Variants in TAAR5 observed in about 807,000 individuals in gnomAD.
TAAR5 encodes trace amine associated receptor 5.
A neutral mutation model predicts 21.1 loss-of-function variants in TAAR5; 27 were observed. The observed-to-expected ratio is 1.28, with a 90% CI of 0.94 to 1.76. The LOEUF (loss-of-function observed/expected upper bound fraction) is 1.76. Among genes scored for constraint, TAAR5 ranks in the 40% most tolerant of loss-of-function variants. TAAR5 has a pLI of 0.00. For synonymous variants in TAAR5, 203 were observed against 167.5 expected, an observed-to-expected ratio of 1.21 and a Z score of -1.64; for missense variants, 495 against 405.6, an observed-to-expected ratio of 1.22 and a Z score of -1.89.
upstream of TAAR5, chr6:132,594,260 T>C (rs1776945822): frequency 6.6e-6 from 1 of 152,102 alleles, no homozygotes; most frequent in Non-Finnish European, 1.5e-5. Flanking sequence ...CATCTATAAC[T>C]CCTACCTAGA....
upstream of TAAR5, among the ~76,000 whole-genome samples, chr6:132,590,985 G>A (rs1210224642): frequency 6.6e-6 from 1 of 152,054 alleles, no homozygotes; most frequent in Non-Finnish European, 1.5e-5. Context: ...TTCATGAAGG[G>A]GTGGTTTGTG....
At chr6:132,600,228 G>T in the TAAR5 span, among the ~76,000 whole-genome samples, 1 of 152,096 alleles carries the variant, frequency 6.6e-6, no homozygotes, top group South Asian at 2.1e-4. Context: ...TAGTAGTATT[G>T]TTTAACTTCT....
chr6:132,599,622 C>G, the TAAR5 span, among the ~76,000 whole-genome samples: 4 of 152,260 alleles, frequency 2.6e-5, no homozygotes, highest in African/African-American at 9.6e-5. Context: ...AGCCACCGCT[C>G]CCAGCCCAAA....
chr6:132,590,102 G>A (rs1028854616), upstream of TAAR5, among the ~76,000 whole-genome samples: 1 of 152,172 alleles, frequency 6.6e-6, no homozygotes, highest in Non-Finnish European at 1.5e-5. Context: ...TTTGTCAAAT[G>A]TAAAGTGAAA....
At chr6:132,610,193 G>T in the TAAR5 span, among the ~76,000 whole-genome samples, 2 of 152,112 alleles carry the variant, frequency 1.3e-5, no homozygotes, top group Non-Finnish European at 2.9e-5. Context: ...AAATGGTCAC[G>T]CTTGCTTTGC....
the TAAR5 span, among the ~76,000 whole-genome samples, chr6:132,613,057 C>T: frequency 2.6e-5 from 4 of 152,132 alleles, no homozygotes; most frequent in Non-Finnish European, 4.4e-5. Flanking sequence ...GTGCAACTTC[C>T]TATACACATA....
upstream of TAAR5, among the ~76,000 whole-genome samples, chr6:132,592,510 C>T (rs186149386): frequency 3.5e-4 from 54 of 152,316 alleles, no homozygotes; most frequent in Admixed American, 2.2e-3. Flanking sequence ...GTCTGTGTCC[C>T]CGTGTAAATC....
chr6:132,608,691 G>T, the TAAR5 span: 1 of 455,942 alleles, frequency 2.2e-6, no homozygotes, highest in South Asian at 1.5e-5. Context: ...TTGTCCCCCA[G>T]AATTTGTTGA....
chr6:132,611,613 C>T, the TAAR5 span, among the ~76,000 whole-genome samples: 1,084 of 152,150 alleles, frequency 7.1e-3, 13 homozygotes, highest in African/African-American at 0.024. Flanking sequence ...AAAAGTTGAT[C>T]GGGCTCAGGA....
At chr6:132,614,811 A>T in the TAAR5 span, among the ~76,000 whole-genome samples, 4 of 152,110 alleles carry the variant, frequency 2.6e-5, no homozygotes, top group African/African-American at 9.7e-5. Flanking sequence ...CTCAAGGGAT[A>T]TTGAAATACC....
chr6:132,607,427 T>C, the TAAR5 span, among the ~76,000 whole-genome samples: 14 of 152,212 alleles, frequency 9.2e-5, no homozygotes, highest in South Asian at 1.7e-3. Flanking sequence ...CCAAAGTTAA[T>C]GATCTGATTT....
the TAAR5 span, among the ~76,000 whole-genome samples, chr6:132,615,538 T>C: frequency 6.7e-6 from 1 of 150,238 alleles, no homozygotes; most frequent in African/African-American, 2.4e-5. Context: ...AACCACTAAA[T>C]CCCCCAGGCT....
chr6:132,593,629 A>G (rs1265712229), upstream of TAAR5, among the ~76,000 whole-genome samples: 2 of 152,140 alleles, frequency 1.3e-5, no homozygotes, highest in East Asian at 3.9e-4. Context: ...ACACCCTTGT[A>G]AAGTTCAGTC....
chr6:132,608,472 C>A, the TAAR5 span: 1 of 454,946 alleles, frequency 2.2e-6, no homozygotes, highest in Non-Finnish European at 4.4e-6. Context: ...AACAAGGCAA[C>A]CAGCAAGCCA....
In TAAR5 at chr6:132,589,238, AC is replaced by A; in HGVS notation, c.448del (p.Val150TrpfsTer26). ...TCCTGCCAGGATGTACCTGAGAGCC[AC>A]CCTCACTGTGAACTTGGAGGGATAG... is the stretch of plus-strand genomic sequence containing the variant. ...LLYPSKFTVR[V>X]ALRYILAGWG... On this transcript the variant is annotated frameshift_variant, in exon 1 of 1. Transcript: ENST00000258034. LOFTEE classifies it high-confidence loss of function. 6.2e-7 allele frequency: 1 copy of A among 1,607,146 alleles called. No individual in the cohort carries two copies. Among genetic ancestry groups the A allele is most frequent in the Non-Finnish European group, 8.5e-7 (1 of 1,176,390 alleles).
chr6:132,589,619 G>T lies in TAAR5; in HGVS notation c.68C>A (p.Ser23Tyr). 1 of 1,613,742 alleles carries T rather than the reference G, an allele frequency of 6.2e-7. No individual in the cohort carries two copies. Among genetic ancestry groups the T allele is most frequent in the Non-Finnish European group, 8.5e-7 (1 of 1,179,844 alleles). ...PAAFCYQVNG[S>Y]CPRTVHTLGI... ...CAGAGTATGTACTGTCCTGGGGCAA[G>T]ACCCATTCACCTGGTAGCAGAATGC... Residue 23 changes from serine (S) to tyrosine (Y), a missense_variant, in exon 1 of 1, where the codon TCT (serine) becomes TAT (tyrosine). Transcript: ENST00000258034.
the TAAR5 span, chr6:132,608,502 A>AAGACC: frequency 1.3e-3 from 611 of 455,914 alleles, 7 homozygotes; most frequent in African/African-American, 0.011. Flanking sequence ...CCATTACTAT[A>AAGACC]CCCAGTGTCT....
the TAAR5 span, among the ~76,000 whole-genome samples, chr6:132,607,804 T>C: frequency 6.6e-6 from 1 of 152,148 alleles, no homozygotes. Flanking sequence ...TTAATAGAGG[T>C]CAACCTTAAG....
At chr6:132,606,236 T>C in the TAAR5 span, among the ~76,000 whole-genome samples, 1 of 152,326 alleles carries the variant, frequency 6.6e-6, no homozygotes, top group African/African-American at 2.4e-5. Context: ...AACCTGATCA[T>C]GCATTTCCTG....
Sources: allele counts gnomAD v4.1 joint callset (sites outside exome capture counted in the v4.1 genomes callset), GRCh38; gene constraint gnomAD v4.1.1; transcripts MANE v1.5; gene names NCBI Gene and HGNC (gene_info 2026-07-23, HGNC 2026-07-21).